The following B3GALT1 variants were observed in gnomAD, a reference collection of about 807,000 sequenced individuals.
B3GALT1 encodes the protein beta-1,3-galactosyltransferase 1.
In B3GALT1, 10 loss-of-function variants were observed where a neutral mutation model predicts 23.2. That is an observed-to-expected ratio of 0.43 (90% CI 0.27 to 0.73). The LOEUF (loss-of-function observed/expected upper bound fraction) is 0.73, where lower values mean the gene tolerates loss of function less well. B3GALT1 is among the 30% of genes least tolerant of loss of function. The probability of loss-of-function intolerance (pLI) is 0.21; values close to 1 mark genes in which losing one functional copy is unlikely to be tolerated. For missense variants in B3GALT1, 299 were observed against 405.4 expected (o/e 0.74, Z 2.25); for synonymous variants, 156 against 141.5 (o/e 1.10, Z -0.73).
At chr2:167,357,979 A>G (rs1697441172) in intron 1 of B3GALT1, among the ~76,000 whole-genome samples, 1 of 152,224 alleles carries the variant, frequency 6.6e-6, no homozygotes, top group African/African-American at 2.4e-5. Context: ...TTTTATTTGA[A>G]TATATCTTCA....
chr2:167,380,725 A>G (rs1345107872), intron 1 of B3GALT1, among the ~76,000 whole-genome samples: 1 of 152,164 alleles, frequency 6.6e-6, no homozygotes, highest in African/African-American at 2.4e-5. Context: ...GCGTGGGAGA[A>G]ACAAAGTGCT....
At position 167,825,437 on chromosome 2, in the gene B3GALT1, G is replaced by GGGGTGT. The variant is rs1553491807; in HGVS notation, c.-230+6645_-230+6646insGGTGTG. On this transcript the variant is annotated intron_variant, in intron 4 of 4. Transcript: ENST00000392690. The stretch of plus-strand genomic sequence containing the variant: ...AAAGAACCAATAAGATATATGCAGG[G>GGGGTGT]GTGTGTGTGTGTGTGTGTGCGTGCA... Among the ~76,000 whole-genome samples the GGGGTGT allele has an allele frequency of 1.7e-3, 246 of 144,566 alleles. 4 individuals are homozygous for GGGGTGT. In the East Asian group the frequency reaches 0.041, roughly 24 times the overall value. 94.8% of individuals were successfully genotyped at this position (144,566 alleles called of 152,430 possible). A position where few individuals can be genotyped will look rare whatever the true frequency, so the allele number is the denominator to read the frequency against.
chr2:167,440,508 T>G (rs1698864107), intron 1 of B3GALT1, among the ~76,000 whole-genome samples: 1 of 152,118 alleles, frequency 6.6e-6, no homozygotes, highest in South Asian at 2.1e-4. Context: ...GAGATTGTAC[T>G]ATGTTTTTTT....
intron 2 of B3GALT1, among the ~76,000 whole-genome samples, chr2:167,509,466 A>G (rs1699971398): frequency 6.6e-6 from 1 of 152,176 alleles, no homozygotes; most frequent in Non-Finnish European, 1.5e-5. Flanking sequence ...TAAGGAGACT[A>G]CATAGGTATT....
At chr2:167,739,935 C>CAAAAAAAAAAAAAAA (rs201348475) in intron 3 of B3GALT1, among the ~76,000 whole-genome samples, 1 of 68,192 alleles carries the variant, frequency 1.5e-5, no homozygotes. Context: ...TACAAAAAAA[C>CAAAAAAAAAAAAAAA]AAACAAAAAA....
chr2:167,528,721 A>G (rs947399109), intron 2 of B3GALT1, among the ~76,000 whole-genome samples: 2 of 152,198 alleles, frequency 1.3e-5, no homozygotes, highest in African/African-American at 4.8e-5. Context: ...AGGTCTGTGG[A>G]GTAATGGGAG....
At chr2:167,727,771 T>C (rs936391415) in intron 3 of B3GALT1, among the ~76,000 whole-genome samples, 3 of 152,166 alleles carry the variant, frequency 2.0e-5, no homozygotes, top group African/African-American at 7.2e-5. Context: ...GGGGTTGATA[T>C]TAAACTTGTG....
intron 1 of B3GALT1, among the ~76,000 whole-genome samples, chr2:167,439,855 T>G (rs944658421): frequency 5.9e-5 from 9 of 151,974 alleles, no homozygotes; most frequent in Non-Finnish European, 1.2e-4. Context: ...TCAGCCTCAA[T>G]GTGTTAAACT....
intron 4 of B3GALT1, among the ~76,000 whole-genome samples, chr2:167,847,762 GAAAC>G (rs1159293212): frequency 4.0e-5 from 6 of 151,798 alleles, no homozygotes; most frequent in East Asian, 1.9e-4. Context: ...AAGTGAAATT[GAAAC>G]AAACAAACAA....
intron 2 of B3GALT1, among the ~76,000 whole-genome samples, chr2:167,640,162 G>A (rs1044895076): frequency 1.3e-5 from 2 of 151,990 alleles, no homozygotes; most frequent in Admixed American, 6.6e-5. Flanking sequence ...ACTGACTATA[G>A]AAGATACTTT....
chr2:167,702,915 T>G (rs1467545037), intron 3 of B3GALT1, among the ~76,000 whole-genome samples: 1 of 152,250 alleles, frequency 6.6e-6, no homozygotes, highest in Non-Finnish European at 1.5e-5. Context: ...AAGCATCTTG[T>G]GGCTATGAAA....
Position 167,446,451 on chromosome 2 carries a change from C to A in B3GALT1, c.-510-43726C>A, listed in dbSNP as rs1249512713. 2.0e-5 allele frequency among the ~76,000 whole-genome samples: 3 copies of A among 152,182 alleles called. No homozygotes were observed. The East Asian group carries it at 5.8e-4, about 29-fold the overall frequency. ...GGAAGTTCTCCTGGATAATATCGTG[C>A]AGAGTGTTTTCCAACTTGGTTCCAT... On this transcript the variant is annotated intron_variant, in intron 1 of 4. Coordinates refer to ENST00000392690, the MANE Select transcript of B3GALT1 (RefSeq NM_020981.4).
intron 2 of B3GALT1, among the ~76,000 whole-genome samples, chr2:167,593,706 AGGTG>A: frequency 6.6e-6 from 1 of 152,222 alleles, no homozygotes; most frequent in African/African-American, 2.4e-5. Context: ...GCATGAACTG[AGGTG>A]GGTGAGGAAC....
chr2:167,620,851 C>G lies in B3GALT1; in HGVS notation c.-409-26058C>G, dbSNP rs373679333. Among the ~76,000 whole-genome samples, 7 of 151,908 alleles carry G rather than the reference C, an allele frequency of 4.6e-5. 1 individual carries two copies. The highest frequency in any genetic ancestry group is 1.0e-4 in the Non-Finnish European group (7 of 67,976). Reference sequence around the variant, plus strand: ...CTTTCAATGGCTGTTAAATCATTATCTGTCAGAAAATGTCTTGTTCACCAA... The same window carrying G: ...CTTTCAATGGCTGTTAAATCATTATGTGTCAGAAAATGTCTTGTTCACCAA... On this transcript the variant is annotated intron_variant, in intron 2 of 4. Coordinates refer to ENST00000392690, the MANE Select transcript of B3GALT1 (RefSeq NM_020981.4).
chr2:167,506,867 T>C (rs565159090), intron 2 of B3GALT1, among the ~76,000 whole-genome samples: 304 of 152,262 alleles, frequency 2.0e-3, no homozygotes, highest in Non-Finnish European at 3.5e-3. Context: ...ATTGCAAACA[T>C]CAAATTTCAT....
intron 2 of B3GALT1, among the ~76,000 whole-genome samples, chr2:167,586,467 T>C (rs1388787876): frequency 6.6e-6 from 1 of 152,032 alleles, no homozygotes; most frequent in African/African-American, 2.4e-5. Context: ...GCCTGGTTAA[T>C]TTTTTGTATT....
intron 3 of B3GALT1, among the ~76,000 whole-genome samples, chr2:167,737,738 A>G (rs1294609516): frequency 6.6e-6 from 1 of 152,192 alleles, no homozygotes; most frequent in Non-Finnish European, 1.5e-5. Flanking sequence ...TCTCTGTTGT[A>G]TTTCCTCATG....
chr2:167,463,914 A>G (rs1424664650), intron 1 of B3GALT1, among the ~76,000 whole-genome samples: 1 of 152,198 alleles, frequency 6.6e-6, no homozygotes, highest in African/African-American at 2.4e-5. Context: ...TTGGAACTAT[A>G]GTTCACATCG....
intron 2 of B3GALT1, among the ~76,000 whole-genome samples, chr2:167,602,818 A>C (rs1027510545): frequency 6.6e-6 from 1 of 152,222 alleles, no homozygotes; most frequent in African/African-American, 2.4e-5. Context: ...AGTTTAAAAA[A>C]AAAATCAATC....
Sources: allele counts gnomAD v4.1 joint callset (sites outside exome capture counted in the v4.1 genomes callset), GRCh38; gene constraint gnomAD v4.1.1; transcripts MANE v1.5; gene names NCBI Gene and HGNC (gene_info 2026-07-23, HGNC 2026-07-21).